Variants in ERCC6L2 observed in about 807,000 individuals in gnomAD.
ERCC6L2 encodes ERCC excision repair 6 like 2.
Under a neutral mutation model 132.0 loss-of-function variants are expected in ERCC6L2, and 77 were observed. That is an observed-to-expected ratio of 0.58 (90% CI 0.49 to 0.71). The LOEUF is 0.71. ERCC6L2 is among the 30% of genes least tolerant of loss of function. The probability of loss-of-function intolerance (pLI) is 0.00; values close to 1 mark genes in which losing one functional copy is unlikely to be tolerated. For synonymous variants in ERCC6L2, 583 were observed against 632.4 expected, an observed-to-expected ratio of 0.92 and a Z score of 1.17; for missense variants, 1,542 against 1,837.6, an observed-to-expected ratio of 0.84 and a Z score of 2.94.
chr9:95,983,639 A>ATG (rs1832975750), intron 17 of ERCC6L2, among the ~76,000 whole-genome samples: 2 of 152,150 alleles, frequency 1.3e-5, no homozygotes, highest in Non-Finnish European at 2.9e-5. Flanking sequence ...TGGCCCCCTA[A>ATG]TGGAAACACC....
Position 96,012,724 on chromosome 9 carries a change from C to G in ERCC6L2, c.4174C>G (p.Arg1392Gly), listed in dbSNP as rs775611336. 4 of 1,367,324 alleles carry G rather than the reference C, an allele frequency of 2.9e-6. No homozygotes were observed. In the Admixed American group the frequency reaches 7.6e-5, roughly 26 times the overall value. 84.7% of individuals were successfully genotyped at this position (1,367,324 alleles called of 1,614,324 possible). A position where few individuals can be genotyped will look rare whatever the true frequency, so the allele number is the denominator to read the frequency against. The change falls in exon 19 of 19, where the codon CGT becomes GGT. Residue 1392 changes from arginine to glycine, a missense_variant. By Grantham distance (125) the Arg-to-Gly change is moderately radical (BLOSUM62 -2). This residue lies in a region of ERCC6L2 where 442 missense variants were observed against 583.4 expected (regional missense o/e 0.76). Transcript: ENST00000653738. ...SRSLNSESET[R>G]ERRLENTMKD... The stretch of plus-strand genomic sequence containing the variant: ...TTCTCTGAACAGTGAGTCTGAAACA[C>G]GTGAGAGAAGGTTAGAAAATACCAT...
At chr9:95,901,990 C>A (rs1828802884) in intron 3 of ERCC6L2, among the ~76,000 whole-genome samples, 1 of 152,020 alleles carries the variant, frequency 6.6e-6, no homozygotes, top group Non-Finnish European at 1.5e-5. Flanking sequence ...ATGCTAATGC[C>A]AGAATTACAA....
chr9:96,012,105 C>T (rs933929225), intron 18 of ERCC6L2, 120 bp from the exon 19 acceptor site: 10 of 579,840 alleles, frequency 1.7e-5, no homozygotes, highest in Admixed American at 8.8e-5. Context: ...ATTCAGCAGA[C>T]GTATGCTAAA....
intron 9 of ERCC6L2, among the ~76,000 whole-genome samples, chr9:95,924,865 T>TA: frequency 6.6e-6 from 1 of 152,246 alleles, no homozygotes; most frequent in East Asian, 1.9e-4. Context: ...GCAGGTAATT[T>TA]ACTTGGTTTG....
At position 96,011,616 on chromosome 9, in the gene ERCC6L2, A is replaced by T. The variant is rs1168322355; in HGVS notation, c.3675-609A>T. 3.3e-5 allele frequency among the ~76,000 whole-genome samples: 5 copies of T among 152,156 alleles called. No homozygotes were observed. The South Asian group carries it at 6.2e-4, about 19-fold the overall frequency. Reference sequence around the variant, plus strand: ...GTATCTTACACTAAGAATACAACACATTTCTTCTAATAGCATCTCACTCCT... The same window carrying T: ...GTATCTTACACTAAGAATACAACACTTTTCTTCTAATAGCATCTCACTCCT... On this transcript the variant is annotated intron_variant, in intron 18 of 18. Transcript: ENST00000653738.
rs796098723 is a variant in ERCC6L2, at chr9:95,925,462, G to A, written c.1533+2083G>A. ...TGCTGTTAACACCCCCAAATAATACGATTCCTTTATAGGTGGATTGTCTTG... is the reference window on the plus strand; with the variant it reads ...TGCTGTTAACACCCCCAAATAATACAATTCCTTTATAGGTGGATTGTCTTG... On this transcript the variant is annotated intron_variant, in intron 9 of 18. Coordinates refer to ENST00000653738, the MANE Select transcript of ERCC6L2 (RefSeq NM_020207.7). 9.9e-5 allele frequency among the ~76,000 whole-genome samples: 15 copies of A among 152,250 alleles called. No homozygotes were observed. In the South Asian group the frequency reaches 2.3e-3, roughly 23 times the overall value.
chr9:95,990,371 GA>G (rs1387882169), intron 17 of ERCC6L2, among the ~76,000 whole-genome samples: 2 of 152,206 alleles, frequency 1.3e-5, no homozygotes, highest in African/African-American at 4.8e-5. Context: ...GTTTATTAGA[GA>G]CTGGCAGTTC....
intron 19 of ERCC6L2, among the ~76,000 whole-genome samples, chr9:96,031,730 G>T (rs911535525): frequency 6.6e-6 from 1 of 152,102 alleles, no homozygotes; most frequent in Non-Finnish European, 1.5e-5. Context: ...CTGAGCCCTC[G>T]TCACTTCCCA....
intron 19 of ERCC6L2, among the ~76,000 whole-genome samples, chr9:96,031,720 C>G (rs1232699935): frequency 1.3e-5 from 2 of 152,216 alleles, no homozygotes; most frequent in South Asian, 2.1e-4. Flanking sequence ...GGGCAGATCC[C>G]TGAGCCCTCG....
chr9:95,929,547 CAT>C (rs1830247136), intron 11 of ERCC6L2, among the ~76,000 whole-genome samples: 1 of 150,570 alleles, frequency 6.6e-6, no homozygotes, highest in South Asian at 2.1e-4. Flanking sequence ...TAAAAATAAA[CAT>C]ATATAAAATG....
At chr9:95,879,384 T>C (rs1827469027) in intron 1 of ERCC6L2, among the ~76,000 whole-genome samples, 1 of 152,216 alleles carries the variant, frequency 6.6e-6, no homozygotes, top group Admixed American at 6.5e-5. Flanking sequence ...TGTTGAATAA[T>C]AGATAATAAA....
intron 2 of ERCC6L2, among the ~76,000 whole-genome samples, chr9:95,897,123 C>G (rs1564202491): frequency 1.3e-5 from 2 of 151,996 alleles, no homozygotes; most frequent in South Asian, 4.1e-4. Flanking sequence ...ACCTCATATA[C>G]CTTTCTTCCC....
At chr9:95,991,268 T>C (rs1833291387) in intron 17 of ERCC6L2, among the ~76,000 whole-genome samples, 1 of 152,250 alleles carries the variant, frequency 6.6e-6, no homozygotes, top group Non-Finnish European at 1.5e-5. Flanking sequence ...TCACTAGTAG[T>C]TAATGGATTC....
intron 12 of ERCC6L2, among the ~76,000 whole-genome samples, chr9:95,952,185 A>AAAAAAAAAAAAAAAT (rs1831367719): frequency 6.7e-6 from 1 of 150,048 alleles, no homozygotes; most frequent in Non-Finnish European, 1.5e-5. Flanking sequence ...AAAAAAAAAA[A>AAAAAAAAAAAAAAAT]GAATTTGCAC....
intron 13 of ERCC6L2, among the ~76,000 whole-genome samples, chr9:95,961,258 C>A (rs1458120731): frequency 6.6e-6 from 1 of 151,930 alleles, no homozygotes; most frequent in Non-Finnish European, 1.5e-5. Context: ...TGACTGATAC[C>A]TTATAAGAAG....
intron 12 of ERCC6L2, among the ~76,000 whole-genome samples, chr9:95,942,239 G>A (rs985913111): frequency 2.0e-5 from 3 of 152,092 alleles, no homozygotes; most frequent in South Asian, 2.1e-4. Context: ...GGAAATACAC[G>A]TGTTACCTGC....
intron 11 of ERCC6L2, among the ~76,000 whole-genome samples, chr9:95,932,027 C>T (rs1830361682): frequency 6.6e-6 from 1 of 150,748 alleles, no homozygotes; most frequent in African/African-American, 2.4e-5. Context: ...TTGCTCTGTT[C>T]TGAGAAATGT....
At position 95,932,300 on chromosome 9, in the gene ERCC6L2, G is replaced by A. The variant is rs201031009; in HGVS notation, c.1751+3436G>A. 2.0e-5 allele frequency among the ~76,000 whole-genome samples: 3 copies of A among 152,094 alleles called. No homozygotes were observed. In the East Asian group the frequency reaches 5.8e-4, roughly 29 times the overall value. On this transcript the variant is annotated intron_variant, in intron 11 of 18. Coordinates refer to ENST00000653738, the MANE Select transcript of ERCC6L2 (RefSeq NM_020207.7). ...AGGCTGGTCTTGAACTCCTGACCTC[G>A]TGATCTACCTGCCTCGCCCTCCCAC...
At chr9:95,958,198 T>G (rs1308074116) in intron 13 of ERCC6L2, among the ~76,000 whole-genome samples, 1 of 152,128 alleles carries the variant, frequency 6.6e-6, no homozygotes. Context: ...ACAAAGGACA[T>G]GAACTCATCA....
Sources: allele counts gnomAD v4.1 joint callset (sites outside exome capture counted in the v4.1 genomes callset), GRCh38; gene constraint gnomAD v4.1.1; regional missense constraint gnomAD v4.1.1; transcripts MANE v1.5; gene names NCBI Gene and HGNC (gene_info 2026-07-23, HGNC 2026-07-21).